ADGRL2: variants seen among roughly 807,000 people sequenced by gnomAD.
ADGRL2 encodes adhesion G protein-coupled receptor L2, also known as calcium-independent alpha-latrotoxin receptor 2.
A neutral mutation model predicts 157.4 loss-of-function variants in ADGRL2; 44 were observed. The observed-to-expected ratio is 0.28, with a 90% CI of 0.22 to 0.36. ADGRL2 has a LOEUF of 0.36. Ranked by LOEUF, ADGRL2 falls within the 10% of genes least tolerant of loss-of-function variation. The pLI is 1.00. For missense variants in ADGRL2, 1,510 were observed against 1,768.9 expected (o/e 0.85, Z 2.63); for synonymous variants, 585 against 624.7 (o/e 0.94, Z 0.95).
At chr1:81,743,394 T>G (rs779588589) in intron 1 of ADGRL2, among the ~76,000 whole-genome samples, 2 of 20,086 alleles carry the variant, frequency 1.0e-4, no homozygotes, top group Non-Finnish European at 1.9e-4. Context: ...TAACAGAAGG[T>G]TTTTTTTTTT....
chr1:81,614,290 T>C (rs144952190), intron 3 of ADGRL2, among the ~76,000 whole-genome samples: 1 of 152,312 alleles, frequency 6.6e-6, no homozygotes, highest in East Asian at 1.9e-4. Context: ...AAAAAAGATG[T>C]TACTCGATGA....
chr1:81,970,197 T>C, intron 15 of ADGRL2, 117 bp from the exon 16 acceptor site: 1 of 755,540 alleles, frequency 1.3e-6, no homozygotes, highest in South Asian at 1.6e-5. Context: ...TAGTTTACTC[T>C]GAATAATGTA....
chr1:81,682,572 GGT>G (rs1376945546), intron 3 of ADGRL2, among the ~76,000 whole-genome samples: 1 of 152,058 alleles, frequency 6.6e-6, no homozygotes, highest in African/African-American at 2.4e-5. Flanking sequence ...TCTACCCTGT[GGT>G]GTGTGCATGA....
At chr1:81,969,685 T>C (rs1223466243) in intron 15 of ADGRL2, among the ~76,000 whole-genome samples, 1 of 152,178 alleles carries the variant, frequency 6.6e-6, no homozygotes, top group South Asian at 2.1e-4. Context: ...TAAAAATTCT[T>C]ATTTTGTTTA....
Position 81,616,679 on chromosome 1 carries a change from C to CTTTTTTTTTTTTTTTTTT in ADGRL2, c.-143+35714_-143+35715insTTTTTTTTTTTTTTTTTT, listed in dbSNP as rs1164087131. Among the ~76,000 whole-genome samples the CTTTTTTTTTTTTTTTTTT allele has an allele frequency of 1.3e-3, 135 of 105,956 alleles. 2 individuals carry two copies. Among genetic ancestry groups the CTTTTTTTTTTTTTTTTTT allele is most frequent in the African/African-American group, 1.6e-3 (44 of 26,696 alleles). The allele number at this position is 105,956 out of a possible 152,430, so 69.5% of individuals were successfully genotyped here. ...TTTTTCTTTTCTTTTCTTTTCTTTT[C>CTTTTTTTTTTTTTTTTTT]TTTTTTTTTTTTTTTGAGACAGGGT... On this transcript the variant is annotated intron_variant, in intron 3 of 24. Coordinates refer to the ADGRL2 transcript ENST00000370721.
chr1:81,562,106 A>G (rs1267165300), intron 2 of ADGRL2, among the ~76,000 whole-genome samples: 2 of 152,212 alleles, frequency 1.3e-5, no homozygotes, highest in Non-Finnish European at 2.9e-5. Context: ...ACAATCATCA[A>G]TACATAGTTC....
intron 2 of ADGRL2, among the ~76,000 whole-genome samples, chr1:81,551,925 G>A (rs2080156110): frequency 6.6e-6 from 1 of 152,120 alleles, no homozygotes; most frequent in South Asian, 2.1e-4. Flanking sequence ...ATGTATTAGT[G>A]GGAACTGCTT....
At chr1:81,668,357 G>A (rs921181202) in intron 3 of ADGRL2, among the ~76,000 whole-genome samples, 6 of 151,590 alleles carry the variant, frequency 4.0e-5, no homozygotes, top group Non-Finnish European at 5.9e-5. Context: ...CCTGGGAGGC[G>A]GAAGTTGCAG....
chr1:81,653,712 A>C (rs1471601016), intron 3 of ADGRL2, among the ~76,000 whole-genome samples: 1 of 152,156 alleles, frequency 6.6e-6, no homozygotes, highest in Non-Finnish European at 1.5e-5. Flanking sequence ...GAATTTGTAA[A>C]TATATGTGTG....
chr1:81,553,496 C>T (rs1467506454), intron 2 of ADGRL2, among the ~76,000 whole-genome samples: 1 of 152,114 alleles, frequency 6.6e-6, no homozygotes, highest in Non-Finnish European at 1.5e-5. Context: ...AGCAAATTGA[C>T]ATTTGTAGTA....
intron 3 of ADGRL2, among the ~76,000 whole-genome samples, chr1:81,654,195 C>T (rs1331195839): frequency 6.6e-6 from 1 of 152,206 alleles, no homozygotes; most frequent in Non-Finnish European, 1.5e-5. Context: ...ATCCACCGAA[C>T]TTGGCCTCCC....
At chr1:81,918,288 A>G (rs1319358308) in intron 3 of ADGRL2, among the ~76,000 whole-genome samples, 1 of 152,180 alleles carries the variant, frequency 6.6e-6, no homozygotes, top group Non-Finnish European at 1.5e-5. Context: ...CAATTTAAAT[A>G]TGTCCTATGA....
chr1:81,403,338 C>T (rs948861357), intron 1 of ADGRL2, among the ~76,000 whole-genome samples: 11 of 151,992 alleles, frequency 7.2e-5, no homozygotes, highest in Admixed American at 2.0e-4. Context: ...GATCTCAGCT[C>T]GCTGCAACCT....
rs142789884 is a variant in ADGRL2, at chr1:81,931,909, G to A, written c.288-4819G>A. 1.5e-3 allele frequency among the ~76,000 whole-genome samples: 232 copies of A among 152,120 alleles called. 8 individuals carry two copies. The East Asian group carries it at 0.042, about 27-fold the overall frequency. Reference sequence around the variant, plus strand: ...TTTGCTTCTGCCTCCCAAAATGCTGGGATTATAAGCGTGAGCAATAGCGCC... The same window carrying A: ...TTTGCTTCTGCCTCCCAAAATGCTGAGATTATAAGCGTGAGCAATAGCGCC... On this transcript the variant is annotated intron_variant, in intron 3 of 23. Transcript: ENST00000686636.
At position 81,970,441 on chromosome 1, in the gene ADGRL2, A is replaced by C. The variant is rs758484253; in HGVS notation, c.2861A>C (p.Lys954Thr). The change falls in exon 16 of 24, where the codon AAA (lysine) becomes ACA (threonine). Residue 954 changes from lysine to threonine, a missense_variant. Lys to Thr is a moderately conservative substitution (Grantham distance 78, BLOSUM62 -1). This residue lies in a region of ADGRL2 where 497 missense variants were observed against 627.2 expected (regional missense o/e 0.79). Transcript: ENST00000686636. ...GTTTTTGAAAGTGAATATTCAAGGA[A>C]AAAATATTACTATGTTGCTGGTTAC... ...VEVFESEYSRKKYYYVAGYLF... is the reference protein window; with the variant it reads ...VEVFESEYSRTKYYYVAGYLF... The C allele has an allele frequency of 6.4e-7, 1 of 1,560,922 alleles. No individual in the cohort carries two copies.
intron 3 of ADGRL2, among the ~76,000 whole-genome samples, chr1:81,674,197 A>G (rs1216288061): frequency 6.6e-6 from 1 of 152,212 alleles, no homozygotes; most frequent in East Asian, 1.9e-4. Flanking sequence ...CTTGAAACAT[A>G]AACAAAACTT....
At chr1:81,328,145 C>A (rs1020980245) in intron 1 of ADGRL2, among the ~76,000 whole-genome samples, 9 of 152,270 alleles carry the variant, frequency 5.9e-5, no homozygotes, top group Admixed American at 4.6e-4. Context: ...AAATTTCAAA[C>A]CTTTTTCCTT....
In ADGRL2 at chr1:81,992,138, G is replaced by C; in HGVS notation, c.*993G>C. ...TGTTTATTCTTGAACAGAGGGCAAA[G>C]AGGGCACTGGGCACTTCTCACAAAC... On this transcript the variant is annotated 3_prime_UTR_variant, in exon 24 of 24. Transcript: ENST00000686636. The C allele has an allele frequency of 1.3e-5, 2 of 151,078 alleles. No individual in the cohort carries two copies. Among genetic ancestry groups the C allele is most frequent in the South Asian group, 2.1e-4 (1 of 4,828 alleles). The allele number at this position is 151,078 out of a possible 1,614,324, so 9.4% of individuals were successfully genotyped here. A position where few individuals can be genotyped will look rare whatever the true frequency, so the allele number is the denominator to read the frequency against.
At chr1:81,563,411 A>C (rs2080488516) in intron 2 of ADGRL2, among the ~76,000 whole-genome samples, 1 of 152,208 alleles carries the variant, frequency 6.6e-6, no homozygotes, top group South Asian at 2.1e-4. Flanking sequence ...GTTAATTACC[A>C]ACCTCCTTTG....
Sources: gnomAD v4.1 joint callset for allele counts (sites outside exome capture counted in the v4.1 genomes callset) on GRCh38, gnomAD v4.1.1 for gene constraint, gnomAD v4.1.1 regional missense constraint, MANE v1.5 for transcripts, NCBI Gene and HGNC (gene_info 2026-07-23, HGNC 2026-07-21) for gene names.